Variants in MCTP1 observed in about 807,000 individuals in gnomAD.
The protein encoded by MCTP1 is multiple C2 and transmembrane domain containing 1, also known as multiple C2 and transmembrane domain-containing protein 1.
A neutral mutation model predicts 120.6 loss-of-function variants in MCTP1; 69 were observed. The ratio of observed to expected loss-of-function variants is 0.57; its 90% CI spans 0.47 to 0.70. The LOEUF is 0.70. MCTP1 is among the 30% of genes least tolerant of loss of function. The pLI is 0.00. For missense variants in MCTP1, 1,203 were observed against 1,248.8 expected (o/e 0.96, Z 0.55); for synonymous variants, 529 against 493.1 (o/e 1.07, Z -0.96).
At chr5:95,169,610 C>T (rs1032647015) in intron 1 of MCTP1, among the ~76,000 whole-genome samples, 2 of 152,106 alleles carry the variant, frequency 1.3e-5, no homozygotes, top group African/African-American at 4.8e-5. Flanking sequence ...CAACTTCTTC[C>T]TGGTTTAGTC....
At chr5:95,077,321 G>T (rs1753811623) in intron 1 of MCTP1, among the ~76,000 whole-genome samples, 1 of 151,660 alleles carries the variant, frequency 6.6e-6, no homozygotes, top group South Asian at 2.1e-4. Flanking sequence ...ATTAATTTAG[G>T]TGTTCAAATT....
At chr5:94,732,230 C>T (rs904278822) in intron 19 of MCTP1, among the ~76,000 whole-genome samples, 6 of 152,182 alleles carry the variant, frequency 3.9e-5, no homozygotes, top group African/African-American at 1.4e-4. Context: ...CTAAAGCAAG[C>T]TCGTCCAATC....
chr5:94,958,824 G>C (rs541808675), intron 2 of MCTP1, among the ~76,000 whole-genome samples: 1 of 152,256 alleles, frequency 6.6e-6, no homozygotes, highest in South Asian at 2.1e-4. Flanking sequence ...ATTCACAGCT[G>C]AATTCTACCA....
At chr5:94,999,580 TAC>T (rs1213735282) in intron 2 of MCTP1, among the ~76,000 whole-genome samples, 1 of 152,328 alleles carries the variant, frequency 6.6e-6, no homozygotes, top group Non-Finnish European at 1.5e-5. Flanking sequence ...TTCATGGCAA[TAC>T]AGTTATTTGC....
chr5:95,242,910 C>A (rs1431119614), intron 1 of MCTP1, among the ~76,000 whole-genome samples: 1 of 152,262 alleles, frequency 6.6e-6, no homozygotes, highest in African/African-American at 2.4e-5. Context: ...CTGCAATAAA[C>A]CTGTTTTTAA....
chr5:94,714,014 G>A (rs1474295116), intron 20 of MCTP1, among the ~76,000 whole-genome samples: 1 of 151,888 alleles, frequency 6.6e-6, no homozygotes, highest in Non-Finnish European at 1.5e-5. Flanking sequence ...TCATTATGTA[G>A]GCCAATTTTT....
At chr5:94,908,913 A>ATTATCTTAGTT (rs1308779864) in intron 10 of MCTP1, among the ~76,000 whole-genome samples, 1 of 152,006 alleles carries the variant, frequency 6.6e-6, no homozygotes, top group Non-Finnish European at 1.5e-5. Flanking sequence ...GAAAATAAAT[A>ATTATCTTAGTT]TTATCTTAGA....
chr5:94,746,283 C>T (rs1452424561), intron 19 of MCTP1, among the ~76,000 whole-genome samples: 1 of 152,172 alleles, frequency 6.6e-6, no homozygotes, highest in Non-Finnish European at 1.5e-5. Flanking sequence ...CTACTCCTTT[C>T]TGAATACTCA....
chr5:95,115,252 A>G (rs996600491), intron 1 of MCTP1, among the ~76,000 whole-genome samples: 1 of 152,166 alleles, frequency 6.6e-6, no homozygotes, highest in African/African-American at 2.4e-5. Context: ...AAGATCATTC[A>G]GGAAAACATA....
At chr5:94,959,218 C>T (rs1388836380) in intron 2 of MCTP1, among the ~76,000 whole-genome samples, 1 of 152,080 alleles carries the variant, frequency 6.6e-6, no homozygotes, top group Non-Finnish European at 1.5e-5. Flanking sequence ...TAAAATCCAA[C>T]ACCCTTTCAT....
intron 19 of MCTP1, among the ~76,000 whole-genome samples, chr5:94,760,796 C>T (rs2152846193): frequency 6.6e-6 from 1 of 152,192 alleles, no homozygotes; most frequent in African/African-American, 2.4e-5. Flanking sequence ...AGTGATCCTC[C>T]TGCCTCAGCC....
At chr5:94,900,871 A>G (rs1390196185) in intron 10 of MCTP1, among the ~76,000 whole-genome samples, 2 of 152,274 alleles carry the variant, frequency 1.3e-5, no homozygotes, top group Non-Finnish European at 2.9e-5. Context: ...TTGTAAGAAC[A>G]CAGGAATCAT....
intron 1 of MCTP1, among the ~76,000 whole-genome samples, chr5:95,253,253 A>G (rs1757548207): frequency 6.6e-6 from 1 of 152,146 alleles, no homozygotes; most frequent in Non-Finnish European, 1.5e-5. Context: ...TTTAGAAACA[A>G]AACTTCATTT....
chr5:95,115,036 T>G (rs1348791824), intron 1 of MCTP1, among the ~76,000 whole-genome samples: 1 of 152,296 alleles, frequency 6.6e-6, no homozygotes, highest in South Asian at 2.1e-4. Context: ...AGGAGGTACT[T>G]CTACAAGTCT....
At chr5:94,970,672 G>A (rs886237709) in intron 2 of MCTP1, among the ~76,000 whole-genome samples, 8 of 151,790 alleles carry the variant, frequency 5.3e-5, no homozygotes, top group Non-Finnish European at 8.8e-5. Flanking sequence ...TTTTTTTACC[G>A]AAAGGAAACT....
intron 2 of MCTP1, among the ~76,000 whole-genome samples, chr5:94,958,558 A>G (rs962396832): frequency 6.6e-6 from 1 of 152,194 alleles, no homozygotes; most frequent in African/African-American, 2.4e-5. Context: ...AGAATCAAAT[A>G]GACGCAATAA....
intron 1 of MCTP1, among the ~76,000 whole-genome samples, chr5:95,104,374 G>T (rs1756950509): frequency 6.6e-6 from 1 of 152,120 alleles, no homozygotes; most frequent in Non-Finnish European, 1.5e-5. Flanking sequence ...TAGAAACTTT[G>T]TTATGATTTA....
chr5:94,860,146 T>C lies in MCTP1; in HGVS notation c.2436+8187A>G, dbSNP rs528172808. Among the ~76,000 whole-genome samples, 267 of 151,842 alleles carry C rather than the reference T, an allele frequency of 1.8e-3. 2 individuals are homozygous for C. The highest frequency in any genetic ancestry group is 5.2e-3 in the African/African-American group (215 of 41,504). On this transcript the variant is annotated intron_variant, in intron 17 of 22. Coordinates refer to ENST00000515393, the MANE Select transcript of MCTP1 (RefSeq NM_024717.7). Reference sequence around the variant, plus strand: ...TGCAAAACAGCCAGTAGAACAATTATCTTCACTGTTTTAAATCACTCTCCT... The same window carrying C: ...TGCAAAACAGCCAGTAGAACAATTACCTTCACTGTTTTAAATCACTCTCCT...
At chr5:95,119,838 T>C (rs1461865113) in intron 1 of MCTP1, among the ~76,000 whole-genome samples, 1 of 152,106 alleles carries the variant, frequency 6.6e-6, no homozygotes, top group Non-Finnish European at 1.5e-5. Flanking sequence ...AAAATCTGAA[T>C]AGACCAATAA....
Sources: allele counts gnomAD v4.1 joint callset (sites outside exome capture counted in the v4.1 genomes callset), GRCh38; gene constraint gnomAD v4.1.1; transcripts MANE v1.5; gene names NCBI Gene and HGNC (gene_info 2026-07-23, HGNC 2026-07-21).